The following STRN3 variants were observed in gnomAD, a reference collection of about 807,000 sequenced individuals.
STRN3 encodes striatin 3.
A neutral mutation model predicts 95.6 loss-of-function variants in STRN3; 29 were observed. The ratio of observed to expected loss-of-function variants is 0.30; its 90% CI spans 0.23 to 0.41. The LOEUF is 0.41. Ranked by LOEUF, STRN3 falls within the 10% of genes least tolerant of loss-of-function variation. The probability of loss-of-function intolerance (pLI) is 1.00; values close to 1 mark genes in which losing one functional copy is unlikely to be tolerated. For synonymous variants in STRN3, 331 were observed against 357.6 expected, an observed-to-expected ratio of 0.93 and a Z score of 0.84; for missense variants, 890 against 972.1, an observed-to-expected ratio of 0.92 and a Z score of 1.12.
intron 1 of STRN3, among the ~76,000 whole-genome samples, chr14:30,967,448 T>C (rs1880585488): frequency 6.6e-6 from 1 of 152,234 alleles, no homozygotes; most frequent in African/African-American, 2.4e-5. Context: ...AACCTATAGT[T>C]AATAATTGAA....
chr14:31,003,532 G>T (rs1394913898), intron 1 of STRN3, among the ~76,000 whole-genome samples: 1 of 151,970 alleles, frequency 6.6e-6, no homozygotes. Context: ...TGGCTAGCAA[G>T]TGAGTTCTCA....
At chr14:31,024,860 G>A (rs542287938) in intron 1 of STRN3, among the ~76,000 whole-genome samples, 13 of 152,188 alleles carry the variant, frequency 8.5e-5, no homozygotes, top group Admixed American at 2.6e-4. Context: ...GCCCTGGAAA[G>A]GTATTTAAAA....
chr14:30,908,299 C>G (rs1194711703), intron 13 of STRN3, among the ~76,000 whole-genome samples: 2 of 152,174 alleles, frequency 1.3e-5, no homozygotes, highest in African/African-American at 4.8e-5. Context: ...TTTTCACTTC[C>G]TGTTTACTCT....
intron 1 of STRN3, among the ~76,000 whole-genome samples, chr14:31,015,207 G>C (rs995919778): frequency 6.6e-6 from 1 of 152,172 alleles, no homozygotes; most frequent in Non-Finnish European, 1.5e-5. Flanking sequence ...TTACCAGGAA[G>C]GCTGCTTCAG....
chr14:30,923,298 G>A (rs1282106267), intron 8 of STRN3, among the ~76,000 whole-genome samples: 1 of 152,040 alleles, frequency 6.6e-6, no homozygotes, highest in Non-Finnish European at 1.5e-5. Context: ...AATAGTAAAT[G>A]ACAAATATTA....
chr14:31,026,035 G>A lies in STRN3; in HGVS notation c.151C>T (p.Pro51Ser), dbSNP rs1883875783. ...CGGGACAGCTCGGGGCCTGCCGCGGGACCCGCTCCCTCGGAGGCCGGAGGA... is the reference window on the plus strand; with the variant it reads ...CGGGACAGCTCGGGGCCTGCCGCGGAACCCGCTCCCTCGGAGGCCGGAGGA... ...GGPPASEGAG[P>S]AAGPELSRPQ... Residue 51 changes from proline to serine, a missense_variant, in exon 1 of 18, where the codon CCC becomes TCC. This residue lies in a region of STRN3 where 526 missense variants were observed against 526.3 expected (regional missense o/e 1.00). Coordinates refer to ENST00000357479, the MANE Select transcript of STRN3 (RefSeq NM_001083893.2). 2 of 1,537,082 alleles carry A rather than the reference G, an allele frequency of 1.3e-6. No individual in the cohort carries two copies. Among genetic ancestry groups the A allele is most frequent in the Admixed American group, 2.0e-5 (1 of 50,302 alleles).
chr14:30,978,755 A>T (rs966453476), intron 1 of STRN3, among the ~76,000 whole-genome samples: 13 of 152,202 alleles, frequency 8.5e-5, no homozygotes, highest in Non-Finnish European at 1.8e-4. Flanking sequence ...TTATAAAGCT[A>T]GGTGCGGTGG....
At chr14:31,025,498 C>G (rs1453097364) in intron 1 of STRN3, 3 of 209,682 alleles carry the variant, frequency 1.4e-5, no homozygotes, top group African/African-American at 7.1e-5. Flanking sequence ...ATCCTAGTCC[C>G]TCTCTTCGGG....
intron 1 of STRN3, among the ~76,000 whole-genome samples, chr14:30,977,103 G>A (rs1169749235): frequency 1.3e-5 from 2 of 152,146 alleles, no homozygotes; most frequent in Admixed American, 6.5e-5. Context: ...GTGGGTGGCT[G>A]TAATCCCATC....
chr14:30,934,835 G>T (rs192753526), intron 7 of STRN3, among the ~76,000 whole-genome samples: 1 of 151,858 alleles, frequency 6.6e-6, no homozygotes, highest in African/African-American at 2.4e-5. Flanking sequence ...ATTAAACAAC[G>T]GGAATGTTTA....
At chr14:30,949,684 C>CAA (rs71112358) in intron 4 of STRN3, among the ~76,000 whole-genome samples, 49 of 147,784 alleles carry the variant, frequency 3.3e-4, no homozygotes, top group Admixed American at 6.1e-4. Context: ...ACTCCGTTTC[C>CAA]AAAAAAAAAA....
intron 3 of STRN3, 21 bp from the exon 4 acceptor site, chr14:30,950,965 A>C: frequency 6.3e-7 from 1 of 1,598,386 alleles, no homozygotes; most frequent in Non-Finnish European, 8.5e-7. Context: ...AGAAAAAAAA[A>C]GTTTTACATA....
In STRN3 at chr14:30,895,571, C is replaced by T. The variant is rs1422201623; in HGVS notation, c.2234G>A (p.Cys745Tyr). ...GTCTAAATTCCATAATCTGATGGAA[C>T]AGTCATGGCCTGTAAAAGAACAAAT... is the stretch of plus-strand genomic sequence containing the variant. ...GIYLMSGSHD[C>Y]SIRLWNLDSK... is the part of the protein sequence containing the mutation. Residue 745 changes from cysteine to tyrosine, a missense_variant, in exon 18 of 18, where the codon TGT becomes TAT. Physicochemically the swap from Cys to Tyr is radical, Grantham distance 194. This residue lies in a region of STRN3 where 357 missense variants were observed against 422.8 expected (regional missense o/e 0.84). Transcript: ENST00000357479. 6.2e-7 allele frequency: 1 copy of T among 1,609,662 alleles called. No individual in the cohort carries two copies. Among genetic ancestry groups the T allele is most frequent in the Non-Finnish European group, 8.5e-7 (1 of 1,177,996 alleles).
intron 1 of STRN3, among the ~76,000 whole-genome samples, chr14:31,000,092 T>C (rs1232769126): frequency 6.6e-6 from 1 of 152,110 alleles, no homozygotes; most frequent in Non-Finnish European, 1.5e-5. Context: ...AGAAAAGAAC[T>C]TCTTGCTAAC....
chr14:30,958,262 G>A (rs1003268518), intron 1 of STRN3, among the ~76,000 whole-genome samples: 1 of 152,038 alleles, frequency 6.6e-6, no homozygotes, highest in African/African-American at 2.4e-5. Flanking sequence ...AGTGAGCTAC[G>A]ATCACATCAC....
Position 30,911,348 on chromosome 14 carries a change from G to A in STRN3, c.1599-186C>T, listed in dbSNP as rs182424639. 5.5e-4 allele frequency among the ~76,000 whole-genome samples: 73 copies of A among 132,496 alleles called. No homozygotes were observed. In the East Asian group the frequency reaches 0.016, roughly 29 times the overall value. 86.9% of individuals were successfully genotyped at this position (132,496 alleles called of 152,430 possible). A position where few individuals can be genotyped will look rare whatever the true frequency, so the allele number is the denominator to read the frequency against. ...AGGGTCTCACTCTGTCACCAGCCCA[G>A]ACTGGAATGCAGTGGTGATCTCTGC... On this transcript the variant is annotated intron_variant, in intron 12 of 17. Coordinates refer to ENST00000357479, the MANE Select transcript of STRN3 (RefSeq NM_001083893.2).
At chr14:30,928,106 A>AAGC (rs1360514976) in intron 8 of STRN3, among the ~76,000 whole-genome samples, 1 of 152,048 alleles carries the variant, frequency 6.6e-6, no homozygotes, top group African/African-American at 2.4e-5. Flanking sequence ...TAAATACAAT[A>AAGC]AGCAGTTCAC....
At chr14:30,944,162 A>G (rs1000981303) in intron 5 of STRN3, among the ~76,000 whole-genome samples, 1 of 152,074 alleles carries the variant, frequency 6.6e-6, no homozygotes, top group African/African-American at 2.4e-5. Context: ...AAAAAAACGA[A>G]AGGATCTTTG....
intron 1 of STRN3, among the ~76,000 whole-genome samples, chr14:30,990,627 C>G (rs1018795801): frequency 3.2e-4 from 49 of 152,234 alleles, no homozygotes; most frequent in African/African-American, 1.1e-3. Flanking sequence ...GCACAGATTT[C>G]ATCTGTTAAA....
Sources: allele counts gnomAD v4.1 joint callset (sites outside exome capture counted in the v4.1 genomes callset), GRCh38; gene constraint gnomAD v4.1.1; regional missense constraint gnomAD v4.1.1; transcripts MANE v1.5; gene names NCBI Gene and HGNC (gene_info 2026-07-23, HGNC 2026-07-21).